TNIK: variants seen among roughly 807,000 people sequenced by gnomAD.
The protein encoded by TNIK is TRAF2 and NCK-interacting protein kinase.
A neutral mutation model predicts 191.3 loss-of-function variants in TNIK; 49 were observed. The ratio of observed to expected loss-of-function variants is 0.26; its 90% CI spans 0.20 to 0.32. The LOEUF (loss-of-function observed/expected upper bound fraction) is 0.32. TNIK is among the 10% of genes least tolerant of loss of function. The pLI, the probability that TNIK is intolerant of heterozygous loss-of-function variation, is 1.00. For synonymous variants in TNIK, 594 were observed against 600.9 expected, an observed-to-expected ratio of 0.99 and a Z score of 0.17; for missense variants, 1,155 against 1,702.3, an observed-to-expected ratio of 0.68 and a Z score of 5.66.
intron 1 of TNIK, among the ~76,000 whole-genome samples, chr3:171,428,744 A>G (rs1193061687): frequency 1.3e-5 from 2 of 151,322 alleles, no homozygotes; most frequent in African/African-American, 4.9e-5. Flanking sequence ...GCCCATTATT[A>G]CCTCCTTCCT....
chr3:171,088,921 A>G (rs1721700783), intron 23 of TNIK, among the ~76,000 whole-genome samples: 1 of 152,212 alleles, frequency 6.6e-6, no homozygotes, highest in South Asian at 2.1e-4. Flanking sequence ...AAAGCATTCT[A>G]CTGGCATGTG....
chr3:171,279,721 A>G (rs1486071340), intron 2 of TNIK, among the ~76,000 whole-genome samples: 11 of 152,328 alleles, frequency 7.2e-5, no homozygotes. Context: ...CCTTTGTTCT[A>G]AGCATTTCAC....
chr3:171,082,227 G>T, intron 27 of TNIK, 24 bp downstream of exon 27: 1 of 1,607,660 alleles, frequency 6.2e-7, no homozygotes, highest in Non-Finnish European at 8.5e-7. Context: ...TGGACCTGGG[G>T]GACTCATCAT....
intron 22 of TNIK, among the ~76,000 whole-genome samples, chr3:171,096,442 G>A (rs1722727472): frequency 6.6e-6 from 1 of 152,054 alleles, no homozygotes; most frequent in Non-Finnish European, 1.5e-5. Context: ...TGGCTTACAA[G>A]CTCTCCATTA....
chr3:171,377,581 C>T (rs187456196), intron 1 of TNIK, among the ~76,000 whole-genome samples: 2 of 152,324 alleles, frequency 1.3e-5, no homozygotes, highest in African/African-American at 2.4e-5. Context: ...ATATTTCTTC[C>T]TTATGCAACC....
Position 171,060,562 on chromosome 3 carries a change from GA to G in TNIK, c.*3318del, listed in dbSNP as rs1344541562. The stretch of plus-strand genomic sequence containing the variant: ...ATAATAGTTCTAGGTCTTCTTGAAG[GA>G]TTGTTTAGAAGTCTCCAAGAAAAAT... On this transcript the variant is annotated 3_prime_UTR_variant, in exon 33 of 33. Coordinates refer to ENST00000436636, the MANE Select transcript of TNIK (RefSeq NM_015028.4). 1.3e-5 allele frequency among the ~76,000 whole-genome samples: 2 copies of G among 152,272 alleles called. No individual in the cohort carries two copies. Among genetic ancestry groups the G allele is most frequent in the East Asian group, 3.9e-4 (2 of 5,186 alleles).
At chr3:171,350,498 CTGT>C (rs1170702987) in intron 2 of TNIK, among the ~76,000 whole-genome samples, 1 of 150,264 alleles carries the variant, frequency 6.7e-6, no homozygotes, top group Admixed American at 6.7e-5. Context: ...ATTCTTCTCC[CTGT>C]TGAAATCCAA....
At chr3:171,289,855 T>G (rs1751476529) in intron 2 of TNIK, among the ~76,000 whole-genome samples, 1 of 141,402 alleles carries the variant, frequency 7.1e-6, no homozygotes, top group East Asian at 2.1e-4. Context: ...TGAGCCGACA[T>G]GGCGCCACTG....
intron 4 of TNIK, among the ~76,000 whole-genome samples, chr3:171,202,005 G>A (rs1267308180): frequency 6.6e-6 from 1 of 152,204 alleles, no homozygotes; most frequent in African/African-American, 2.4e-5. Context: ...TGAATATACC[G>A]AGCCAACTAG....
intron 19 of TNIK, among the ~76,000 whole-genome samples, chr3:171,108,844 A>G (rs1473630551): frequency 6.6e-6 from 1 of 152,222 alleles, no homozygotes; most frequent in Non-Finnish European, 1.5e-5. Context: ...CTGGAGGTAC[A>G]GAGCAAGGTC....
intron 19 of TNIK, among the ~76,000 whole-genome samples, chr3:171,109,980 C>T (rs1725600036): frequency 6.6e-6 from 1 of 151,952 alleles, no homozygotes; most frequent in Non-Finnish European, 1.5e-5. Context: ...TCTTGGCTCA[C>T]CACAACCTCT....
intron 3 of TNIK, among the ~76,000 whole-genome samples, chr3:171,213,279 T>C (rs1194899254): frequency 3.3e-5 from 5 of 152,052 alleles, no homozygotes; most frequent in African/African-American, 4.8e-5. Context: ...CGGATGTACT[T>C]TGGGGAAGCC....
At chr3:171,288,533 GT>G (rs1751302849) in intron 2 of TNIK, among the ~76,000 whole-genome samples, 1 of 151,088 alleles carries the variant, frequency 6.6e-6, no homozygotes, top group African/African-American at 2.4e-5. Context: ...GGCTGGCCGA[GT>G]GCGGTGGCTC....
rs1187928152 is a variant in TNIK at position 171,070,903 on chromosome 3, G to A, written c.3549+320C>T. Among the ~76,000 whole-genome samples, 3 of 152,252 alleles carry A rather than the reference G, an allele frequency of 2.0e-5. No individual in the cohort carries two copies. The South Asian group carries it at 6.2e-4, about 32-fold the overall frequency. On this transcript the variant is annotated intron_variant, in intron 29 of 32. Transcript: ENST00000436636. ...AAACAAAATATCAGGGAATACCCTGGTTTAGGTGGCTTTATAACAAATGTC... is the reference window on the plus strand; with the variant it reads ...AAACAAAATATCAGGGAATACCCTGATTTAGGTGGCTTTATAACAAATGTC...
chr3:171,276,703 G>A (rs1370514282), intron 2 of TNIK, among the ~76,000 whole-genome samples: 1 of 152,132 alleles, frequency 6.6e-6, no homozygotes, highest in Non-Finnish European at 1.5e-5. Flanking sequence ...GAAGTGGAGA[G>A]TGCAGGGGTG....
In TNIK at chr3:171,139,378, GCACACA is replaced by G. The variant is rs34521732; in HGVS notation, c.1419+86_1419+91del. ...ATGTTAGAAGGACACACGCACGCGC[GCACACA>G]CACACACACACACACACACACACAC... is the stretch of plus-strand genomic sequence containing the variant. On this transcript the variant is annotated intron_variant, in intron 14 of 32. Coordinates refer to ENST00000436636, the MANE Select transcript of TNIK (RefSeq NM_015028.4). 3.4e-3 allele frequency: 2,384 copies of G among 692,024 alleles called. 2 individuals are homozygous for G. The highest frequency in any genetic ancestry group is 0.012 in the African/African-American group (657 of 52,960). The allele number at this position is 692,024 out of a possible 1,614,324, so 42.9% of individuals were successfully genotyped here. A position where few individuals can be genotyped will look rare whatever the true frequency, so the allele number is the denominator to read the frequency against.
At chr3:171,435,519 C>T (rs1725923012) in intron 1 of TNIK, among the ~76,000 whole-genome samples, 1 of 152,156 alleles carries the variant, frequency 6.6e-6, no homozygotes, top group African/African-American at 2.4e-5. Flanking sequence ...TGGTTTTAGA[C>T]ATATTATCAA....
In TNIK at chr3:171,387,923, C is replaced by T. The variant is rs142128418; in HGVS notation, c.58-18238G>A. 8.2e-3 allele frequency among the ~76,000 whole-genome samples: 1,221 copies of T among 148,262 alleles called. 11 individuals carry two copies. Among genetic ancestry groups the T allele is most frequent in the Middle Eastern group, 0.014 (4 of 278 alleles). The stretch of plus-strand genomic sequence containing the variant: ...GGCCTAGTGGTTCAGAACTTGGACT[C>T]CAACAGAACTGAAATAATGACTGTA... On this transcript the variant is annotated intron_variant, in intron 1 of 32. Transcript: ENST00000436636.
chr3:171,306,421 G>A (rs1398275131), intron 2 of TNIK, among the ~76,000 whole-genome samples: 6 of 151,988 alleles, frequency 3.9e-5, no homozygotes, highest in Non-Finnish European at 5.9e-5. Context: ...ATATTCATTC[G>A]GGACTCTTTC....
Sources: gnomAD v4.1 joint callset for allele counts (sites outside exome capture counted in the v4.1 genomes callset) on GRCh38, gnomAD v4.1.1 for gene constraint, MANE v1.5 for transcripts, NCBI Gene and HGNC (gene_info 2026-07-23, HGNC 2026-07-21) for gene names.